Variants in CLOCK observed in about 807,000 individuals in gnomAD.
CLOCK encodes clock circadian regulator, also known as circadian locomoter output cycles protein kaput.
Under a neutral mutation model 118.4 loss-of-function variants are expected in CLOCK, and 43 were observed. That is an observed-to-expected ratio of 0.36 (90% CI 0.28 to 0.47). The LOEUF is 0.47. Among genes scored for constraint, CLOCK ranks in the 20% least tolerant of loss-of-function variants. The pLI, the probability that CLOCK is intolerant of heterozygous loss-of-function variation, is 1.00. For synonymous variants in CLOCK, 326 were observed against 339.2 expected, an observed-to-expected ratio of 0.96 and a Z score of 0.43; for missense variants, 846 against 999.9, an observed-to-expected ratio of 0.85 and a Z score of 2.08.
chr4:55,490,243 T>C (rs947765466), intron 2 of CLOCK, among the ~76,000 whole-genome samples: 2 of 151,980 alleles, frequency 1.3e-5, no homozygotes, highest in African/African-American at 4.8e-5. Flanking sequence ...ATAAAATAGA[T>C]GTAAAGTCAA....
At chr4:55,478,140 G>GTT (rs11442786) in intron 6 of CLOCK, among the ~76,000 whole-genome samples, 4 of 151,368 alleles carry the variant, frequency 2.6e-5, no homozygotes, top group East Asian at 1.9e-4. Context: ...CCTTTTACAG[G>GTT]TTTTTTTTAA....
intron 1 of CLOCK, among the ~76,000 whole-genome samples, chr4:55,537,626 T>TA (rs1730991027): frequency 6.6e-6 from 1 of 150,976 alleles, no homozygotes; most frequent in South Asian, 2.1e-4. Flanking sequence ...CTCAAAAAAA[T>TA]AAAAATAAAA....
chr4:55,479,092 G>T, intron 5 of CLOCK, 129 bp from the exon 6 acceptor site: 1 of 735,630 alleles, frequency 1.4e-6, no homozygotes, highest in Non-Finnish European at 2.1e-6. Flanking sequence ...ATATCTTCCA[G>T]GTTACCAATA....
chr4:55,500,810 T>C (rs1437163002), intron 2 of CLOCK, among the ~76,000 whole-genome samples: 1 of 152,128 alleles, frequency 6.6e-6, no homozygotes, highest in Middle Eastern at 3.2e-3. Flanking sequence ...CTGTGGTGAG[T>C]TTGTAAGCCG....
intron 2 of CLOCK, among the ~76,000 whole-genome samples, chr4:55,502,367 C>G (rs974596590): frequency 2.0e-5 from 3 of 152,150 alleles, no homozygotes; most frequent in Non-Finnish European, 4.4e-5. Context: ...AATGGCATGA[C>G]AGACCAACAG....
intron 18 of CLOCK, among the ~76,000 whole-genome samples, 178 bp downstream of exon 18, chr4:55,448,601 C>CGCGCGTGTGTGTGTGTGTGTGTGTGT (rs764071880): frequency 2.6e-5 from 3 of 116,980 alleles, no homozygotes; most frequent in Non-Finnish European, 5.5e-5. Context: ...CGCACGCGCG[C>CGCGCGTGTGTGTGTGTGTGTGTGTGT]GTGTGTGTGT....
chr4:55,474,625 A>G (rs1329835211), intron 7 of CLOCK, among the ~76,000 whole-genome samples: 1 of 152,168 alleles, frequency 6.6e-6, no homozygotes, highest in Non-Finnish European at 1.5e-5. Flanking sequence ...CTCTCTTGTC[A>G]GGGGCAAATG....
chr4:55,486,939 T>C (rs1233187306), intron 3 of CLOCK, among the ~76,000 whole-genome samples: 3 of 152,162 alleles, frequency 2.0e-5, no homozygotes, highest in Non-Finnish European at 4.4e-5. Flanking sequence ...GTTTTTCCCC[T>C]CTGTTTCCTC....
chr4:55,453,589 T>A, intron 14 of CLOCK, 88 bp downstream of exon 14: 2 of 1,119,854 alleles, frequency 1.8e-6, no homozygotes, highest in Non-Finnish European at 2.7e-6. Flanking sequence ...ACTTTGTAGC[T>A]CTTTAACAAC....
intron 15 of CLOCK, among the ~76,000 whole-genome samples, chr4:55,450,755 C>T (rs370955409): frequency 7.9e-5 from 11 of 140,042 alleles, no homozygotes; most frequent in Admixed American, 3.8e-4. Flanking sequence ...GGCAAAAGAG[C>T]GAGACTCCAT....
chr4:55,456,950 GA>G (rs1724962678), intron 11 of CLOCK, among the ~76,000 whole-genome samples: 1 of 152,180 alleles, frequency 6.6e-6, no homozygotes, highest in Non-Finnish European at 1.5e-5. Context: ...AAAGTGCTGG[GA>G]TTCTAGGCAT....
chr4:55,443,513 G>A (rs972891294), intron 20 of CLOCK, among the ~76,000 whole-genome samples, 174 bp downstream of exon 20: 1 of 150,024 alleles, frequency 6.7e-6, no homozygotes. Flanking sequence ...GAAAATATTT[G>A]ATACTAACAT....
intron 2 of CLOCK, among the ~76,000 whole-genome samples, chr4:55,506,001 G>C (rs761215857): frequency 4.6e-5 from 7 of 151,800 alleles, no homozygotes; most frequent in Non-Finnish European, 8.8e-5. Flanking sequence ...AATATCTACA[G>C]TATAGTTACC....
chr4:55,470,684 A>G (rs759655505), intron 8 of CLOCK, 33 bp downstream of exon 8: 1 of 1,424,656 alleles, frequency 7.0e-7, no homozygotes, highest in Non-Finnish European at 9.9e-7. Context: ...AGGCATTTTA[A>G]TACGAAGTAG....
At chr4:55,438,659 G>A (rs1456287019) in intron 21 of CLOCK, 122 bp from the exon 22 acceptor site, 1 of 1,412,932 alleles carries the variant, frequency 7.1e-7, no homozygotes. Flanking sequence ...GTTTTTCAAG[G>A]TCTGTATATT....
rs145561768 is a variant in CLOCK at position 55,480,013 on chromosome 4, A to G, written c.48-314T>C. On this transcript the variant is annotated intron_variant, in intron 4 of 22. Transcript: ENST00000513440. ...TTAGTAACGGTAAAAACGTATAGAA[A>G]GTCAGTGTTTGCCATTATATAAAAT... is the stretch of plus-strand genomic sequence containing the variant. Among the ~76,000 whole-genome samples the G allele has an allele frequency of 2.8e-3, 426 of 152,334 alleles. 2 individuals carry two copies. Among genetic ancestry groups the G allele is most frequent in the African/African-American group, 0.01 (421 of 41,574 alleles).
chr4:55,448,970 T>C, intron 17 of CLOCK, 102 bp from the exon 18 acceptor site: 1 of 941,976 alleles, frequency 1.1e-6, no homozygotes, highest in South Asian at 1.4e-5. Context: ...AAACTTACCA[T>C]TTGCCTCATA....
At position 55,428,774 on chromosome 4, in the gene CLOCK, T is replaced by C. The variant is rs1722341453; in HGVS notation, c.*6641A>G. The C allele has an allele frequency of 1.3e-5, 2 of 151,512 alleles. No individual in the cohort carries two copies. Among genetic ancestry groups the C allele is most frequent in the African/African-American group, 4.9e-5 (2 of 41,204 alleles). The allele number at this position is 151,512 out of a possible 1,614,324, so 9.4% of individuals were successfully genotyped here. A position where few individuals can be genotyped will look rare whatever the true frequency, so the allele number is the denominator to read the frequency against. On this transcript the variant is annotated 3_prime_UTR_variant, in exon 23 of 23. Transcript: ENST00000513440. ...CAACTGATGTTAACAATGAAAAATT[T>C]ACAAAGGTAAAACTTTTTTTTTTTT...
intron 6 of CLOCK, among the ~76,000 whole-genome samples, chr4:55,477,096 CACAA>C (rs1726566810): frequency 6.6e-6 from 1 of 151,768 alleles, no homozygotes; most frequent in Admixed American, 6.6e-5. Context: ...GATTTAAATC[CACAA>C]ACAAATCCAA....
Sources: gnomAD v4.1 joint callset for allele counts (sites outside exome capture counted in the v4.1 genomes callset) on GRCh38, gnomAD v4.1.1 for gene constraint, MANE v1.5 for transcripts, NCBI Gene and HGNC (gene_info 2026-07-23, HGNC 2026-07-21) for gene names.